Variants in TMPRSS9 observed in about 807,000 individuals in gnomAD.
The protein encoded by TMPRSS9 is transmembrane protease serine 9.
TMPRSS9 carries 113 observed loss-of-function variants against 111.4 expected under a neutral mutation model. The observed-to-expected ratio is 1.01, with a 90% CI of 0.87 to 1.19. The LOEUF is 1.19. TMPRSS9 is among the 50% of genes most tolerant of loss of function. The pLI is 0.00. For missense variants in TMPRSS9, 1,803 were observed against 1,513.1 expected (o/e 1.19, Z -3.18); for synonymous variants, 805 against 659.1 (o/e 1.22, Z -3.39).
At chr19:2,367,481 G>A (rs959184367) in intron 1 of TMPRSS9, among the ~76,000 whole-genome samples, 1 of 151,856 alleles carries the variant, frequency 6.6e-6, no homozygotes, top group Admixed American at 6.6e-5. Flanking sequence ...TGCAACCTCT[G>A]CCTCCTGGGT....
intron 12 of TMPRSS9, among the ~76,000 whole-genome samples, chr19:2,417,503 C>T (rs1257166344): frequency 6.6e-6 from 1 of 151,428 alleles, no homozygotes; most frequent in East Asian, 1.9e-4. Context: ...AAAAAATTAG[C>T]CGAGTATGGT....
exon 14 of TMPRSS9, chr19:2,422,029 C>A: frequency 6.2e-7 from 1 of 1,612,946 alleles, no homozygotes; most frequent in Non-Finnish European, 8.5e-7. Context: ...CTTCCCATGT[C>A]TCCCCCCTCG....
intron 7 of TMPRSS9, among the ~76,000 whole-genome samples, chr19:2,407,049 C>T (rs1349103600): frequency 1.3e-5 from 2 of 151,880 alleles, no homozygotes; most frequent in African/African-American, 4.8e-5. Context: ...ATCTGCCCGT[C>T]TCTGCCTCCC....
intron 1 of TMPRSS9, among the ~76,000 whole-genome samples, chr19:2,374,745 T>C (rs2145251547): frequency 6.6e-6 from 1 of 152,090 alleles, no homozygotes; most frequent in Non-Finnish European, 1.5e-5. Flanking sequence ...TCTGGCCCCT[T>C]ACCCACGAGC....
At chr19:2,409,148 T>C (rs1971043817) in intron 8 of TMPRSS9, among the ~76,000 whole-genome samples, 1 of 149,360 alleles carries the variant, frequency 6.7e-6, no homozygotes, top group Non-Finnish European at 1.5e-5. Flanking sequence ...GATTTTTTTT[T>C]TTTTTTTTTG....
At chr19:2,371,626 G>A (rs1369941036) in intron 1 of TMPRSS9, among the ~76,000 whole-genome samples, 1 of 152,164 alleles carries the variant, frequency 6.6e-6, no homozygotes, top group African/African-American at 2.4e-5. Flanking sequence ...GAACCCAGGA[G>A]GTGGAGGTTG....
At chr19:2,415,937 C>T (rs1238041491) in intron 11 of TMPRSS9, 96 bp downstream of exon 12, 2 of 1,379,836 alleles carry the variant, frequency 1.4e-6, no homozygotes, top group East Asian at 5.2e-5. Context: ...TGCATGGACC[C>T]CACTGGGGAG....
At chr19:2,422,648 G>A (rs904600573) in intron 14 of TMPRSS9, among the ~76,000 whole-genome samples, 1 of 152,328 alleles carries the variant, frequency 6.6e-6, no homozygotes, top group African/African-American at 2.4e-5. Flanking sequence ...CACTTTGGGA[G>A]GCCAAGGCGG....
At chr19:2,400,866 T>C (rs1031421351) in intron 4 of TMPRSS9, among the ~76,000 whole-genome samples, 1 of 147,826 alleles carries the variant, frequency 6.8e-6, no homozygotes, top group East Asian at 2.0e-4. Flanking sequence ...CCCAGCTACT[T>C]GGGAGGCTGA....
chr19:2,424,374 C>T lies in TMPRSS9; in HGVS notation c.2717+117C>T, dbSNP rs575057554. 4.4e-4 allele frequency: 500 copies of T among 1,135,562 alleles called. 5 individuals are homozygous for T. In the African/African-American group the frequency reaches 7.1e-3, roughly 16 times the overall value. 70.3% of individuals were successfully genotyped at this position (1,135,562 alleles called of 1,614,324 possible). ...TTGCCGGGAGTGCCCTCCCCAACCC[C>T]GGCTCCCACTGCCCCAGGCCACTCC... On this transcript the variant is annotated intron_variant, in intron 15 of 17. Transcript: ENST00000648592.
chr19:2,377,747 C>CTT lies in TMPRSS9; in HGVS notation c.-25-12013_-25-12012insTT, dbSNP rs1275332395. The stretch of plus-strand genomic sequence containing the variant: ...TATTTTTTTCTGAGACAAGGTCTCA[C>CTT]TGTCACCCAGGCTGGAGTGCAGTGG... On this transcript the variant is annotated intron_variant, in intron 1 of 17. Transcript: ENST00000649857. Among the ~76,000 whole-genome samples, 3 of 33,000 alleles carry CTT rather than the reference C, an allele frequency of 9.1e-5. No individual in the cohort carries two copies. In the African/African-American group the frequency reaches 1.6e-3, roughly 18 times the overall value. The allele number at this position is 33,000 out of a possible 152,430, so 21.6% of individuals were successfully genotyped here.
chr19:2,415,073 T>C (rs1269018691), intron 10 of TMPRSS9, among the ~76,000 whole-genome samples: 1 of 150,852 alleles, frequency 6.6e-6, no homozygotes, highest in East Asian at 2.0e-4. Flanking sequence ...GCCTCCTGAA[T>C]AGCTGGGATT....
upstream of TMPRSS9, among the ~76,000 whole-genome samples, chr19:2,387,057 C>CA (rs1396249043): frequency 4.0e-5 from 6 of 150,486 alleles, no homozygotes; most frequent in Admixed American, 6.6e-5. Context: ...CCCCTCTCCA[C>CA]AAAAAACAGA....
At position 2,419,988 on chromosome 19, in the gene TMPRSS9, G is replaced by A. The variant is rs981239376; in HGVS notation, c.2154+1850G>A. 6.6e-5 allele frequency among the ~76,000 whole-genome samples: 10 copies of A among 152,042 alleles called. No homozygotes were observed. In the South Asian group the frequency reaches 1.0e-3, roughly 16 times the overall value. ...AGTCTGGACAACATAGTGAGACCCC[G>A]TCTCTACAAAAATTTAAAAAAAAAA... is the stretch of plus-strand genomic sequence containing the variant. On this transcript the variant is annotated intron_variant, in intron 13 of 17. Transcript: ENST00000648592.
intron 1 of TMPRSS9, among the ~76,000 whole-genome samples, chr19:2,393,672 G>T (rs1224851483): frequency 6.6e-6 from 1 of 152,042 alleles, no homozygotes. Context: ...GGCTGAGGCA[G>T]GTAGATCATG....
chr19:2,398,904 A>C, intron 3 of TMPRSS9, 42 bp downstream of exon 4: 1 of 1,530,542 alleles, frequency 6.5e-7, no homozygotes, highest in Non-Finnish European at 8.7e-7. Flanking sequence ...CTTGGTGGAC[A>C]TCTGGGAGTT....
chr19:2,363,787 T>TGTGTGTGTGTGCGCGCGCGC (rs143993232), intron 1 of TMPRSS9, among the ~76,000 whole-genome samples: 3 of 132,570 alleles, frequency 2.3e-5, no homozygotes, highest in African/African-American at 8.9e-5. Context: ...ACTCTGTGTG[T>TGTGTGTGTGTGCGCGCGCGC]GAGTGTGTGT....
At position 2,413,881 on chromosome 19, in the gene TMPRSS9, C is replaced by T; in HGVS notation, c.1436C>T (p.Thr479Ile). The change falls in exon 10 of 18, where the codon ACC becomes ATC. Residue 479 changes from threonine to isoleucine, a missense_variant. Transcript: ENST00000648592. Reference sequence around the variant, plus strand: ...AAAGCCAGCATGCCTCTGGCCCCCACCATGGCTCCTGCCCCTGCCGCCCCC... The same window carrying T: ...AAAGCCAGCATGCCTCTGGCCCCCATCATGGCTCCTGCCCCTGCCGCCCCC... The T allele has an allele frequency of 5.6e-6, 9 of 1,613,564 alleles. No individual in the cohort carries two copies. In the South Asian group the frequency reaches 9.9e-5, roughly 18 times the overall value.
At chr19:2,420,805 A>G (rs889632164) in intron 13 of TMPRSS9, among the ~76,000 whole-genome samples, 2 of 152,198 alleles carry the variant, frequency 1.3e-5, no homozygotes, top group Non-Finnish European at 2.9e-5. Flanking sequence ...TTTGTTCTTT[A>G]TATCTGACAA....
Sources: allele counts gnomAD v4.1 joint callset (sites outside exome capture counted in the v4.1 genomes callset), GRCh38; gene constraint gnomAD v4.1.1; transcripts MANE v1.5; gene names NCBI Gene and HGNC (gene_info 2026-07-23, HGNC 2026-07-21).